C6orf132: variants seen among roughly 807,000 people sequenced by gnomAD.
C6orf132 encodes uncharacterized protein C6orf132.
A neutral mutation model predicts 65.3 loss-of-function variants in C6orf132; 43 were observed. That is an observed-to-expected ratio of 0.66 (90% confidence interval 0.52 to 0.85). The LOEUF is 0.85. Among genes scored for constraint, C6orf132 ranks in the 40% least tolerant of loss-of-function variants. The probability of loss-of-function intolerance (pLI) is 0.00; values close to 1 mark genes in which losing one functional copy is unlikely to be tolerated. For synonymous variants in C6orf132, 631 were observed against 654.1 expected (o/e 0.96, Z 0.54); for missense variants, 1,488 against 1,548.8 (o/e 0.96, Z 0.66).
chr6:42,114,273 A>C (rs1766534262), intron 2 of C6orf132, among the ~76,000 whole-genome samples: 1 of 152,102 alleles, frequency 6.6e-6, no homozygotes, highest in Non-Finnish European at 1.5e-5. Flanking sequence ...CCACCTCACC[A>C]CCATGCTTGC....
At chr6:42,138,615 G>T (rs1562043645) in intron 1 of C6orf132, among the ~76,000 whole-genome samples, 1 of 152,314 alleles carries the variant, frequency 6.6e-6, no homozygotes, top group African/African-American at 2.4e-5. Context: ...AATGTCTGAG[G>T]TAGCTGTGAG....
chr6:42,103,214 G>C lies in C6orf132; in HGVS notation c.*547C>G, dbSNP rs118109565. On this transcript the variant is annotated 3_prime_UTR_variant, in exon 5 of 5. Transcript: ENST00000341865. ...CACATTCCTGGTCCCACCTCAATGC[G>C]GCTAGGAACCCCAGGTGTCCACTCT... 3 of 398,466 alleles carry C rather than the reference G, an allele frequency of 7.5e-6. No individual in the cohort carries two copies. The highest frequency in any genetic ancestry group is 4.1e-5 in the African/African-American group (2 of 48,598). The allele number at this position is 398,466 out of a possible 1,614,324, so 24.7% of individuals were successfully genotyped here.
Position 42,142,535 on chromosome 6 carries a change from G to T in C6orf132, c.-91C>A, listed in dbSNP as rs1220280097. The T allele has an allele frequency of 8.1e-7, 1 of 1,235,810 alleles. No individual in the cohort carries two copies. The highest frequency in any genetic ancestry group is 1.1e-6 in the Non-Finnish European group (1 of 940,322). 76.6% of individuals were successfully genotyped at this position (1,235,810 alleles called of 1,614,324 possible). On this transcript the variant is annotated 5_prime_UTR_variant, in exon 1 of 5. Transcript: ENST00000341865. Reference sequence around the variant, plus strand: ...TGAACTCAGCACGGTCTCCCCAGGGGACTCTACCAGGCCATGTCCCCCGCC... The same window carrying T: ...TGAACTCAGCACGGTCTCCCCAGGGTACTCTACCAGGCCATGTCCCCCGCC...
Position 42,106,154 on chromosome 6 carries a change from T to C in C6orf132, c.1758A>G (p.Ile586Met). The C allele has an allele frequency of 1.3e-6, 2 of 1,537,234 alleles. No individual in the cohort carries two copies. Among genetic ancestry groups the C allele is most frequent in the Non-Finnish European group, 1.7e-6 (2 of 1,146,908 alleles). ...GCCGAGGCTTAGGGGGCAGAGATCC[T>C]ATGCTGGGCTTAGCCTCCTTCTCTG... ...SAAEKEAKPS[I>M]GSLPPKPRLE... is the part of the protein sequence containing the mutation. The change falls in exon 4 of 5, where the codon ATA (isoleucine) becomes ATG (methionine). Residue 586 changes from isoleucine (I) to methionine (M), a missense_variant. Ile to Met is a conservative substitution (Grantham distance 10, BLOSUM62 1). Transcript: ENST00000341865.
intron 2 of C6orf132, among the ~76,000 whole-genome samples, chr6:42,112,740 A>G (rs1766513273): frequency 6.6e-6 from 1 of 152,192 alleles, no homozygotes; most frequent in Non-Finnish European, 1.5e-5. Flanking sequence ...ACCATGTCTT[A>G]TGGTATCCCC....
chr6:42,136,870 G>A (rs1042558346), intron 1 of C6orf132, among the ~76,000 whole-genome samples: 10 of 151,902 alleles, frequency 6.6e-5, no homozygotes, highest in Admixed American at 2.0e-4. Context: ...GAACAGAAAC[G>A]GAACAGAATG....
At position 42,142,523 on chromosome 6, in the gene C6orf132, G is replaced by T. The variant is rs1057210404; in HGVS notation, c.-79C>A. ...CCTGCCCCGGACTGAACTCAGCACG[G>T]TCTCCCCAGGGGACTCTACCAGGCC... On this transcript the variant is annotated 5_prime_UTR_variant, in exon 1 of 5. Transcript: ENST00000341865. 6 of 1,450,052 alleles carry T rather than the reference G, an allele frequency of 4.1e-6. No homozygotes were observed. Among genetic ancestry groups the T allele is most frequent in the Admixed American group, 2.1e-5 (1 of 47,732 alleles). 89.8% of individuals were successfully genotyped at this position (1,450,052 alleles called of 1,614,324 possible).
intron 1 of C6orf132, among the ~76,000 whole-genome samples, chr6:42,138,850 A>AACACAC (rs59373265): frequency 0.053 from 7,526 of 142,826 alleles, 238 homozygotes; most frequent in South Asian, 0.084. Context: ...CATGCATTTA[A>AACACAC]ACACACACAC....
At chr6:42,132,691 T>C (rs1766871985) in intron 1 of C6orf132, among the ~76,000 whole-genome samples, 1 of 148,940 alleles carries the variant, frequency 6.7e-6, no homozygotes, top group Admixed American at 6.7e-5. Flanking sequence ...CTACTAAAAA[T>C]ACAAAAATTA....
chr6:42,118,277 G>A (rs1201821756), intron 2 of C6orf132, among the ~76,000 whole-genome samples: 1 of 152,146 alleles, frequency 6.6e-6, no homozygotes, highest in Non-Finnish European at 1.5e-5. Flanking sequence ...AGGAGTAGGT[G>A]GGAGGGAGAG....
intron 2 of C6orf132, among the ~76,000 whole-genome samples, chr6:42,111,278 ATTT>A (rs61241413): frequency 8.3e-6 from 1 of 119,954 alleles, no homozygotes. Flanking sequence ...TTCCTGGCTA[ATTT>A]TTTTTTTTTT....
At chr6:42,112,936 T>A (rs1766515568) in intron 2 of C6orf132, among the ~76,000 whole-genome samples, 1 of 152,256 alleles carries the variant, frequency 6.6e-6, no homozygotes, top group Non-Finnish European at 1.5e-5. Flanking sequence ...CATCTTGTTC[T>A]TGAAGAATTC....
intron 2 of C6orf132, among the ~76,000 whole-genome samples, chr6:42,126,199 GCCT>G (rs1219314503): frequency 2.0e-5 from 3 of 152,082 alleles, no homozygotes; most frequent in African/African-American, 7.2e-5. Flanking sequence ...TCCTGCCTCA[GCCT>G]CCTGAGTAGC....
intron 2 of C6orf132, among the ~76,000 whole-genome samples, chr6:42,127,324 A>G (rs568378921): frequency 1.3e-5 from 2 of 152,288 alleles, no homozygotes; most frequent in East Asian, 3.9e-4. Flanking sequence ...TAAGCAGAAA[A>G]TTAATTATTT....
rs1013017066 is a variant in C6orf132, at chr6:42,106,496, G to A, written c.1416C>T (p.Asn472=). 13 of 1,536,390 alleles carry A rather than the reference G, an allele frequency of 8.5e-6. No individual in the cohort carries two copies. Among genetic ancestry groups the A allele is most frequent in the African/African-American group, 4.1e-5 (3 of 73,056 alleles). ...RDPSQMEKLR[N]ELAAYLCGSR... is the part of the protein sequence containing the mutation. ...AGCCACAGAGATAGGCTGCCAGCTCGTTCCGCAGCTTTTCCATCTGGCTGG... is the reference window on the plus strand; with the variant it reads ...AGCCACAGAGATAGGCTGCCAGCTCATTCCGCAGCTTTTCCATCTGGCTGG... Residue 472 remains asparagine, a synonymous_variant, in exon 4 of 5, where the codon AAC becomes AAT. Coordinates refer to ENST00000341865, the MANE Select transcript of C6orf132 (RefSeq NM_001164446.3).
chr6:42,106,502 C>T lies in C6orf132; in HGVS notation c.1410G>A (p.Leu470=). The stretch of plus-strand genomic sequence containing the variant: ...AGAGATAGGCTGCCAGCTCGTTCCG[C>T]AGCTTTTCCATCTGGCTGGGGTCCC... The part of the protein sequence containing the change: ...DWRDPSQMEK[L]RNELAAYLCG... The change falls in exon 4 of 5, where the codon CTG becomes CTA. Residue 470 remains leucine (L), a synonymous_variant. Coordinates refer to ENST00000341865, the MANE Select transcript of C6orf132 (RefSeq NM_001164446.3). 6.5e-7 allele frequency: 1 copy of T among 1,536,412 alleles called. No individual in the cohort carries two copies. Among genetic ancestry groups the T allele is most frequent in the Non-Finnish European group, 8.7e-7 (1 of 1,146,864 alleles).
Position 42,103,163 on chromosome 6 carries a change from T to C in C6orf132, c.*598A>G. On this transcript the variant is annotated 3_prime_UTR_variant, in exon 5 of 5. Transcript: ENST00000341865. Reference sequence around the variant, plus strand: ...GGAGCTTCACTCCCCACCCCACACATGGTCCTTCTCCACATGTTATACATA... The same window carrying C: ...GGAGCTTCACTCCCCACCCCACACACGGTCCTTCTCCACATGTTATACATA... 1 of 398,612 alleles carries C rather than the reference T, an allele frequency of 2.5e-6. No individual in the cohort carries two copies. Among genetic ancestry groups the C allele is most frequent in the Non-Finnish European group, 4.4e-6 (1 of 226,060 alleles). 24.7% of individuals were successfully genotyped at this position (398,612 alleles called of 1,614,324 possible).
chr6:42,122,257 G>T (rs1376036561), intron 2 of C6orf132, among the ~76,000 whole-genome samples: 6 of 151,968 alleles, frequency 3.9e-5, no homozygotes, highest in African/African-American at 7.2e-5. Context: ...GCCCAGGTCT[G>T]CTCTCTCTCT....
rs983889500 is a variant in C6orf132 at position 42,104,578 on chromosome 6, G to T, written c.3334C>A (p.Pro1112Thr). ...RRVNSAGRAP[P>T]GGLHAPRLSL... ...AGCCTCGGCGCGTGCAGGCCTCCGG[G>T]GGGCGCGCGACCCGCCGAGTTCACG... The change falls in exon 4 of 5, where the codon CCC becomes ACC. Residue 1112 changes from proline to threonine, a missense_variant. Coordinates refer to ENST00000341865, the MANE Select transcript of C6orf132 (RefSeq NM_001164446.3). This position sits in a 1 kb window ranked among gnomAD's most constrained non-coding sequence, Gnocchi z 4.1. The T allele has an allele frequency of 1.5e-6, 2 of 1,324,478 alleles. No individual in the cohort carries two copies. The highest frequency in any genetic ancestry group is 1.9e-6 in the Non-Finnish European group (2 of 1,042,012). The allele number at this position is 1,324,478 out of a possible 1,614,324, so 82.0% of individuals were successfully genotyped here.
Sources: allele counts gnomAD v4.1 joint callset (sites outside exome capture counted in the v4.1 genomes callset), GRCh38; gene constraint gnomAD v4.1.1; non-coding constraint Gnocchi (gnomAD v3.1); transcripts MANE v1.5; gene names NCBI Gene and HGNC (gene_info 2026-07-23, HGNC 2026-07-21).